Variants in ZNF385D observed in about 807,000 individuals in gnomAD.
ZNF385D encodes the protein zinc finger protein 385D, also known as zinc finger protein 659.
In ZNF385D, 15 loss-of-function variants were observed where a neutral mutation model predicts 35.8. The ratio of observed to expected loss-of-function variants is 0.42; its 90% CI spans 0.28 to 0.64. The LOEUF (loss-of-function observed/expected upper bound fraction) is 0.64, where lower values mean the gene tolerates loss of function less well. Among genes scored for constraint, ZNF385D ranks in the 30% least tolerant of loss-of-function variants. ZNF385D has a pLI of 0.23. For missense variants in ZNF385D, 474 were observed against 494.6 expected (o/e 0.96, Z 0.39); for synonymous variants, 212 against 186.8 (o/e 1.13, Z -1.10).
intron 3 of ZNF385D, among the ~76,000 whole-genome samples, chr3:21,870,816 GCT>G (rs1200772782): frequency 2.0e-5 from 3 of 151,888 alleles, no homozygotes; most frequent in South Asian, 4.1e-4. Flanking sequence ...TCTGATGTCT[GCT>G]CTTTCTTTTG....
chr3:22,275,676 T>G (rs918103620), intron 2 of ZNF385D, among the ~76,000 whole-genome samples: 1 of 152,120 alleles, frequency 6.6e-6, no homozygotes, highest in African/African-American at 2.4e-5. Flanking sequence ...TTTATCAACT[T>G]TAATAAATGA....
intron 3 of ZNF385D, among the ~76,000 whole-genome samples, chr3:21,812,955 A>C (rs560803856): frequency 1.6e-4 from 25 of 152,322 alleles, no homozygotes; most frequent in African/African-American, 6.0e-4. Context: ...GTACGGGCCA[A>C]CTGACACCTC....
intron 3 of ZNF385D, chr3:21,849,609 T>TC (rs1244891194): frequency 1.5e-5 from 2 of 132,482 alleles, no homozygotes; most frequent in African/African-American, 2.8e-5. Flanking sequence ...CCATTTCTTT[T>TC]TTTTTTTTTT....
intron 1 of ZNF385D, among the ~76,000 whole-genome samples, chr3:21,697,259 G>A (rs6790087): frequency 0.39 from 59,718 of 151,952 alleles, 13,227 homozygotes; most frequent in Middle Eastern, 0.52. Flanking sequence ...ACATATTGCA[G>A]ATACAACAGT....
chr3:22,077,701 G>A (rs772582052), intron 3 of ZNF385D, among the ~76,000 whole-genome samples: 15 of 151,856 alleles, frequency 9.9e-5, no homozygotes, highest in South Asian at 6.2e-4. Flanking sequence ...GATGCTTCTC[G>A]GCAGATGTTT....
chr3:22,049,755 T>G (rs1699231521), intron 3 of ZNF385D, among the ~76,000 whole-genome samples: 1 of 152,200 alleles, frequency 6.6e-6, no homozygotes, highest in Non-Finnish European at 1.5e-5. Flanking sequence ...TCCATTGAAA[T>G]GATATATTTT....
At chr3:21,908,494 G>C (rs2125909694) in intron 3 of ZNF385D, among the ~76,000 whole-genome samples, 1 of 152,206 alleles carries the variant, frequency 6.6e-6, no homozygotes, top group East Asian at 1.9e-4. Context: ...TCACCTTGTA[G>C]AGGGGGAGGC....
intron 2 of ZNF385D, among the ~76,000 whole-genome samples, chr3:22,229,625 T>C (rs1384937136): frequency 1.3e-5 from 2 of 152,216 alleles, no homozygotes; most frequent in Non-Finnish European, 2.9e-5. Flanking sequence ...AGCCTCTTCC[T>C]GTATGCTGTC....
At chr3:21,767,471 C>A (rs2070880207) in intron 3 of ZNF385D, among the ~76,000 whole-genome samples, 1 of 152,050 alleles carries the variant, frequency 6.6e-6, no homozygotes, top group Admixed American at 6.6e-5. Context: ...ACCCTTCTTA[C>A]CAATAATACC....
intron 2 of ZNF385D, among the ~76,000 whole-genome samples, chr3:21,587,060 A>C (rs1385051710): frequency 6.6e-6 from 1 of 152,148 alleles, no homozygotes; most frequent in African/African-American, 2.4e-5. Flanking sequence ...TAAACGTTTA[A>C]AATTTTGGTA....
chr3:22,115,356 A>T (rs1702752455), intron 3 of ZNF385D, among the ~76,000 whole-genome samples: 1 of 152,128 alleles, frequency 6.6e-6, no homozygotes. Context: ...TACAATAGGG[A>T]ATGACCAAAA....
At chr3:22,161,812 CAT>C (rs1425004153) in intron 3 of ZNF385D, among the ~76,000 whole-genome samples, 1 of 152,086 alleles carries the variant, frequency 6.6e-6, no homozygotes, top group Non-Finnish European at 1.5e-5. Context: ...TTAAGAATGA[CAT>C]AAACTCAATA....
chr3:22,086,667 A>G (rs1701062376), intron 3 of ZNF385D, among the ~76,000 whole-genome samples: 1 of 152,202 alleles, frequency 6.6e-6, no homozygotes, highest in African/African-American at 2.4e-5. Context: ...ACAATAGCAA[A>G]GACTTGGAAC....
In ZNF385D at chr3:21,418,891, A is replaced by G. The variant is rs1324336035; in HGVS notation, c.*2323T>C. ...AGTTCAAAATGGTTAGAAGCTGGTCACATGGGATACAGACAGAGCCCCAAA... is the reference window on the plus strand; with the variant it reads ...AGTTCAAAATGGTTAGAAGCTGGTCGCATGGGATACAGACAGAGCCCCAAA... On this transcript the variant is annotated 3_prime_UTR_variant, in exon 8 of 8. Transcript: ENST00000281523. 2 of 152,198 alleles carry G rather than the reference A, an allele frequency of 1.3e-5. No homozygotes were observed. The highest frequency in any genetic ancestry group is 4.8e-5 in the African/African-American group (2 of 41,452). The allele number at this position is 152,198 out of a possible 1,614,324, so 9.4% of individuals were successfully genotyped here.
Position 21,510,900 on chromosome 3 carries a change from T to C in ZNF385D, c.400A>G (p.Ile134Val), listed in dbSNP as rs142788751. Residue 134 changes from isoleucine (I) to valine (V), a missense_variant, in exon 4 of 8, where the codon ATC (isoleucine) becomes GTC (valine). Physicochemically the swap from Ile to Val is conservative, Grantham distance 29. Coordinates refer to ENST00000281523, the MANE Select transcript of ZNF385D (RefSeq NM_024697.3). ...KDSAKTTFTS[I>V]TTNTINTSSD... ...CTGGTATTGATGGTATTGGTAGTGATGGAGGTGAAGGTAGTCTTTGCGCTG... is the reference window on the plus strand; with the variant it reads ...CTGGTATTGATGGTATTGGTAGTGACGGAGGTGAAGGTAGTCTTTGCGCTG... 1.7e-5 allele frequency: 27 copies of C among 1,613,970 alleles called. No individual in the cohort carries two copies. Among genetic ancestry groups the C allele is most frequent in the Non-Finnish European group, 2.1e-5 (25 of 1,179,978 alleles).
At chr3:21,809,434 C>G (rs1460284868) in intron 3 of ZNF385D, among the ~76,000 whole-genome samples, 1 of 151,686 alleles carries the variant, frequency 6.6e-6, no homozygotes, top group Non-Finnish European at 1.5e-5. Flanking sequence ...TAGGTAGCAT[C>G]AAAGATAACT....
chr3:22,272,567 A>AAT (rs1701231429), intron 2 of ZNF385D, among the ~76,000 whole-genome samples: 1 of 151,988 alleles, frequency 6.6e-6, no homozygotes. Flanking sequence ...CAGCCTTGTA[A>AAT]AACCTGTGAT....
chr3:22,288,438 A>C (rs921710832), intron 2 of ZNF385D, among the ~76,000 whole-genome samples: 5 of 144,012 alleles, frequency 3.5e-5, no homozygotes, highest in Admixed American at 6.6e-5. Flanking sequence ...TCTTTCATTT[A>C]TTTCTTTTTT....
At chr3:22,188,598 T>G (rs1437277331) in intron 2 of ZNF385D, among the ~76,000 whole-genome samples, 1 of 151,904 alleles carries the variant, frequency 6.6e-6, no homozygotes, top group Non-Finnish European at 1.5e-5. Context: ...TACAGGTGCC[T>G]GCCACCACAC....
Sources: gnomAD v4.1 joint callset for allele counts (sites outside exome capture counted in the v4.1 genomes callset) on GRCh38, gnomAD v4.1.1 for gene constraint, MANE v1.5 for transcripts, NCBI Gene and HGNC (gene_info 2026-07-23, HGNC 2026-07-21) for gene names.